AP2B1: variants seen among roughly 807,000 people sequenced by gnomAD.
AP2B1 encodes adaptor related protein complex 2 subunit beta 1.
In AP2B1, 23 loss-of-function variants were observed where a neutral mutation model predicts 102.0. That is an observed-to-expected ratio of 0.23 (90% CI 0.16 to 0.32). AP2B1 has a LOEUF of 0.32. Among genes scored for constraint, AP2B1 ranks in the 10% least tolerant of loss-of-function variants. AP2B1 has a pLI of 1.00. For synonymous variants in AP2B1, 381 were observed against 421.2 expected (o/e 0.90, Z 1.17); for missense variants, 541 against 1,157.4 (o/e 0.47, Z 7.73).
intron 20 of AP2B1, among the ~76,000 whole-genome samples, chr17:35,714,864 T>C (rs2076521305): frequency 6.6e-6 from 1 of 152,216 alleles, no homozygotes. Context: ...GAAACAATAT[T>C]ACATTACATT....
intron 9 of AP2B1, among the ~76,000 whole-genome samples, chr17:35,634,636 G>A (rs998392802): frequency 4.5e-4 from 69 of 152,132 alleles, no homozygotes; most frequent in African/African-American, 1.5e-3. Flanking sequence ...ATGGAAAATT[G>A]TTGTTTATCT....
In AP2B1 at chr17:35,723,989, A is replaced by G; in HGVS notation, c.*290A>G. On this transcript the variant is annotated 3_prime_UTR_variant, in exon 22 of 22. Transcript: ENST00000610402. Reference sequence around the variant, plus strand: ...GCTGTGCCAATGGCTGGCTTTTTCTACACCCTCTTTTGAGTGTAGTTTGGT... The same window carrying G: ...GCTGTGCCAATGGCTGGCTTTTTCTGCACCCTCTTTTGAGTGTAGTTTGGT... 3.0e-6 allele frequency: 1 copy of G among 337,046 alleles called. No homozygotes were observed. The highest frequency in any genetic ancestry group is 5.4e-6 in the Non-Finnish European group (1 of 183,606). The allele number at this position is 337,046 out of a possible 1,614,324, so 20.9% of individuals were successfully genotyped here.
intron 3 of AP2B1, among the ~76,000 whole-genome samples, chr17:35,600,587 GT>G (rs1478953414): frequency 2.0e-5 from 3 of 152,118 alleles, no homozygotes; most frequent in Non-Finnish European, 4.4e-5. Flanking sequence ...GAATCTAGCT[GT>G]TTTTATTTCA....
At chr17:35,616,437 G>T (rs2074023861) in intron 5 of AP2B1, among the ~76,000 whole-genome samples, 1 of 151,800 alleles carries the variant, frequency 6.6e-6, no homozygotes, top group Non-Finnish European at 1.5e-5. Flanking sequence ...CAAAGTGCTG[G>T]GATTACAGGC....
intron 18 of AP2B1, among the ~76,000 whole-genome samples, chr17:35,686,505 A>G (rs1480872483): frequency 2.0e-5 from 3 of 152,200 alleles, no homozygotes; most frequent in African/African-American, 7.2e-5. Flanking sequence ...GTTCATCTCC[A>G]GGGTAATGCT....
At chr17:35,675,234 G>A (rs568323936) in intron 17 of AP2B1, among the ~76,000 whole-genome samples, 6 of 152,198 alleles carry the variant, frequency 3.9e-5, no homozygotes, top group Non-Finnish European at 7.3e-5. Flanking sequence ...GAAAATGGCT[G>A]TTAGACCTTA....
intron 17 of AP2B1, among the ~76,000 whole-genome samples, chr17:35,679,521 C>G (rs963821495): frequency 2.6e-5 from 4 of 152,000 alleles, no homozygotes; most frequent in South Asian, 2.1e-4. Flanking sequence ...CTGGTTTCCT[C>G]TGAACTCCTT....
At chr17:35,607,477 G>A (rs1369551806) in intron 4 of AP2B1, among the ~76,000 whole-genome samples, 1 of 152,180 alleles carries the variant, frequency 6.6e-6, no homozygotes, top group African/African-American at 2.4e-5. Context: ...TTAGAGTTGT[G>A]CATAGATTTA....
chr17:35,668,459 G>A (rs915415064), intron 14 of AP2B1, among the ~76,000 whole-genome samples: 7 of 152,184 alleles, frequency 4.6e-5, no homozygotes, highest in South Asian at 2.1e-4. Flanking sequence ...TTTTTAAAGC[G>A]CTACTCTCTG....
At chr17:35,683,498 G>GC (rs1380553022) in intron 18 of AP2B1, among the ~76,000 whole-genome samples, 1 of 152,154 alleles carries the variant, frequency 6.6e-6, no homozygotes, top group Non-Finnish European at 1.5e-5. Flanking sequence ...GGATTTAAAT[G>GC]CCCCATTAGC....
intron 21 of AP2B1, among the ~76,000 whole-genome samples, chr17:35,723,063 A>G (rs1555593691): frequency 6.6e-6 from 1 of 152,218 alleles, no homozygotes; most frequent in East Asian, 1.9e-4. Context: ...GGTTATACTA[A>G]GTAAGTGTCT....
At chr17:35,712,143 G>A (rs1228721976) in intron 20 of AP2B1, among the ~76,000 whole-genome samples, 1 of 151,816 alleles carries the variant, frequency 6.6e-6, no homozygotes, top group Non-Finnish European at 1.5e-5. Flanking sequence ...TTTTCATTTT[G>A]TGTCATATTT....
intron 18 of AP2B1, among the ~76,000 whole-genome samples, chr17:35,686,292 C>T (rs1217334607): frequency 6.6e-6 from 1 of 152,182 alleles, no homozygotes; most frequent in Non-Finnish European, 1.5e-5. Flanking sequence ...AGAATTGATT[C>T]TCTCTGTTTA....
intron 1 of AP2B1, among the ~76,000 whole-genome samples, chr17:35,593,354 A>C (rs1178482288): frequency 6.6e-6 from 1 of 152,168 alleles, no homozygotes; most frequent in African/African-American, 2.4e-5. Flanking sequence ...TGGATATCCC[A>C]TTTACACTAA....
At chr17:35,711,398 CA>C (rs587629444) in intron 20 of AP2B1, among the ~76,000 whole-genome samples, 44 of 146,354 alleles carry the variant, frequency 3.0e-4, no homozygotes, top group Admixed American at 9.6e-4. Flanking sequence ...GGCAACACGG[CA>C]GCACAGAAAG....
intron 12 of AP2B1, among the ~76,000 whole-genome samples, chr17:35,646,123 G>T (rs888006789): frequency 6.6e-6 from 1 of 152,212 alleles, no homozygotes; most frequent in Non-Finnish European, 1.5e-5. Context: ...AAGAATTACT[G>T]TTTTAGTGCT....
At chr17:35,699,396 C>T (rs1000607747) in intron 18 of AP2B1, among the ~76,000 whole-genome samples, 5 of 152,210 alleles carry the variant, frequency 3.3e-5, no homozygotes, top group African/African-American at 1.2e-4. Flanking sequence ...TCTTAACGAA[C>T]AATGTCCTAA....
chr17:35,652,161 C>T (rs1021022306), intron 13 of AP2B1, among the ~76,000 whole-genome samples: 3 of 152,196 alleles, frequency 2.0e-5, no homozygotes, highest in African/African-American at 7.2e-5. Context: ...AAGTTCTTAT[C>T]TTCACAATTT....
intron 18 of AP2B1, among the ~76,000 whole-genome samples, chr17:35,690,564 A>C (rs942714937): frequency 2.0e-5 from 3 of 152,218 alleles, no homozygotes; most frequent in Admixed American, 1.3e-4. Flanking sequence ...AGAGCTGTCC[A>C]GCAGTATAGA....
Sources: gnomAD v4.1 joint callset for allele counts (sites outside exome capture counted in the v4.1 genomes callset) on GRCh38, gnomAD v4.1.1 for gene constraint, MANE v1.5 for transcripts, NCBI Gene and HGNC (gene_info 2026-07-23, HGNC 2026-07-21) for gene names.